The following DYM variants were observed in gnomAD, a reference collection of about 807,000 sequenced individuals.
DYM encodes the protein dyggve-Melchior-Clausen syndrome protein.
DYM carries 78 observed loss-of-function variants against 93.1 expected under a neutral mutation model. The ratio of observed to expected loss-of-function variants is 0.84; its 90% confidence interval spans 0.70 to 1.01. The LOEUF (loss-of-function observed/expected upper bound fraction) is 1.01. DYM is among the 50% of genes least tolerant of loss of function. The pLI, the probability that DYM is intolerant of heterozygous loss-of-function variation, is 0.00. For missense variants in DYM, 789 were observed against 845.0 expected, an observed-to-expected ratio of 0.93 and a Z score of 0.82; for synonymous variants, 321 against 319.7, an observed-to-expected ratio of 1.00 and a Z score of -0.04.
chr18:49,109,919 C>G (rs1483536437), intron 16 of DYM, among the ~76,000 whole-genome samples: 1 of 152,184 alleles, frequency 6.6e-6, no homozygotes, highest in Non-Finnish European at 1.5e-5. Context: ...CAATTCTTCC[C>G]TCTCATCCTT....
At chr18:49,178,501 G>T (rs1394386718) in intron 14 of DYM, among the ~76,000 whole-genome samples, 1 of 152,114 alleles carries the variant, frequency 6.6e-6, no homozygotes, top group Admixed American at 6.6e-5. Context: ...TGGCGCTTTA[G>T]TGAAACATAC....
At chr18:49,292,592 G>GAAAAAAAA (rs72415237) in intron 8 of DYM, among the ~76,000 whole-genome samples, 9 of 78,780 alleles carry the variant, frequency 1.1e-4, no homozygotes, top group Admixed American at 1.7e-4. Flanking sequence ...TTTCCTGTTG[G>GAAAAAAAA]AAAAAAAAAA....
chr18:49,108,462 T>C (rs1477703406), intron 16 of DYM, among the ~76,000 whole-genome samples: 1 of 152,258 alleles, frequency 6.6e-6, no homozygotes, highest in East Asian at 1.9e-4. Context: ...GGTATCTCAG[T>C]TGGAAATGCA....
At chr18:49,162,389 G>A (rs1167128446) in intron 15 of DYM, among the ~76,000 whole-genome samples, 2 of 152,188 alleles carry the variant, frequency 1.3e-5, no homozygotes, top group African/African-American at 2.4e-5. Flanking sequence ...GGCATCCCAA[G>A]ATGATGCAGG....
At chr18:49,436,613 A>G (rs773736514) in intron 1 of DYM, among the ~76,000 whole-genome samples, 33 of 152,166 alleles carry the variant, frequency 2.2e-4, no homozygotes, top group Non-Finnish European at 4.0e-4. Flanking sequence ...ACAGTGTGCT[A>G]TTTATCAGGG....
intron 13 of DYM, among the ~76,000 whole-genome samples, chr18:49,254,841 C>G (rs1446225803): frequency 6.6e-6 from 1 of 152,196 alleles, no homozygotes; most frequent in Middle Eastern, 3.4e-3. Context: ...TACAAAGCAG[C>G]ACAGAAATCA....
intron 13 of DYM, among the ~76,000 whole-genome samples, chr18:49,224,272 T>C (rs994671945): frequency 1.3e-5 from 2 of 152,010 alleles, no homozygotes; most frequent in Non-Finnish European, 1.5e-5. Flanking sequence ...ATTTTCGACA[T>C]GCTGAGTTTG....
At chr18:49,404,541 T>A (rs936562359) in intron 2 of DYM, among the ~76,000 whole-genome samples, 1 of 152,192 alleles carries the variant, frequency 6.6e-6, no homozygotes, top group Non-Finnish European at 1.5e-5. Flanking sequence ...CCACCAACGA[T>A]GTATAAGCAC....
chr18:49,351,588 A>G (rs1340122378), intron 6 of DYM, among the ~76,000 whole-genome samples: 2 of 145,904 alleles, frequency 1.4e-5, no homozygotes, highest in Admixed American at 6.8e-5. Context: ...CGAGGAAAAG[A>G]AAAAAAAAAA....
At chr18:49,213,542 C>A (rs1285074038) in intron 13 of DYM, among the ~76,000 whole-genome samples, 1 of 152,118 alleles carries the variant, frequency 6.6e-6, no homozygotes, top group Non-Finnish European at 1.5e-5. Flanking sequence ...TCTTGAAATC[C>A]TGACCTCAGG....
chr18:49,256,073 G>A (rs1158794634), intron 13 of DYM, among the ~76,000 whole-genome samples: 1 of 114,612 alleles, frequency 8.7e-6, no homozygotes, highest in Non-Finnish European at 1.7e-5. Context: ...GACAGAGCGA[G>A]ACTCCATCTC....
intron 14 of DYM, among the ~76,000 whole-genome samples, chr18:49,208,182 C>CAAAAAA (rs138264681): frequency 1.7e-5 from 1 of 58,300 alleles, no homozygotes; most frequent in African/African-American, 6.0e-5. Flanking sequence ...GACTCCATCT[C>CAAAAAA]AAAAAAAAAA....
chr18:49,278,217 A>C (rs1051927195), intron 10 of DYM, among the ~76,000 whole-genome samples: 9 of 152,350 alleles, frequency 5.9e-5, no homozygotes, highest in Admixed American at 3.3e-4. Flanking sequence ...CATAGACTGC[A>C]TATCACTGTA....
At chr18:49,383,762 G>GT (rs1292351076) in intron 3 of DYM, among the ~76,000 whole-genome samples, 1 of 152,154 alleles carries the variant, frequency 6.6e-6, no homozygotes, top group Non-Finnish European at 1.5e-5. Context: ...CCGGGTCAGT[G>GT]TTTTTTGCAG....
rs187091630 is a variant in DYM, at chr18:49,236,393, C to T, written c.1460+20617G>A. Among the ~76,000 whole-genome samples the T allele has an allele frequency of 5.8e-4, 88 of 151,694 alleles. 1 individual carries two copies. Among genetic ancestry groups the T allele is most frequent in the Admixed American group, 3.7e-3 (57 of 15,230 alleles). On this transcript the variant is annotated intron_variant, in intron 13 of 17. Coordinates refer to ENST00000675505, the MANE Select transcript of DYM (RefSeq NM_001353214.3). ...TACTCGAGAGGCTGAGGCAGGAGAACGGTGTGAACCCAGGAGGCGGAGCTT... is the reference window on the plus strand; with the variant it reads ...TACTCGAGAGGCTGAGGCAGGAGAATGGTGTGAACCCAGGAGGCGGAGCTT...
At chr18:49,404,944 C>G (rs2071292052) in intron 2 of DYM, among the ~76,000 whole-genome samples, 1 of 146,018 alleles carries the variant, frequency 6.8e-6, no homozygotes, top group African/African-American at 2.5e-5. Flanking sequence ...ACCTGGGAGG[C>G]AGAGGTTGCA....
At chr18:49,452,695 C>T (rs1192567998) in intron 1 of DYM, among the ~76,000 whole-genome samples, 1 of 77,678 alleles carries the variant, frequency 1.3e-5, no homozygotes, top group Admixed American at 1.1e-4. Context: ...CCGCTCCCTG[C>T]TCCCCAGCGC....
At chr18:49,199,491 T>C (rs1310773192) in intron 14 of DYM, among the ~76,000 whole-genome samples, 1 of 152,226 alleles carries the variant, frequency 6.6e-6, no homozygotes, top group African/African-American at 2.4e-5. Context: ...TAAGACTGAA[T>C]ACCACATTAT....
At chr18:49,336,218 A>G (rs1186984802) in intron 6 of DYM, among the ~76,000 whole-genome samples, 1 of 152,204 alleles carries the variant, frequency 6.6e-6, no homozygotes, top group African/African-American at 2.4e-5. Context: ...TTGTTTTACT[A>G]AATTGTTTTA....
Sources: allele counts gnomAD v4.1 joint callset (sites outside exome capture counted in the v4.1 genomes callset), GRCh38; gene constraint gnomAD v4.1.1; transcripts MANE v1.5; gene names NCBI Gene and HGNC (gene_info 2026-07-23, HGNC 2026-07-21).